The following ARHGAP15 variants were observed in gnomAD, a reference collection of about 807,000 sequenced individuals.
The protein encoded by ARHGAP15 is rho GTPase-activating protein 15.
Under a neutral mutation model 63.7 loss-of-function variants are expected in ARHGAP15, and 51 were observed. The observed-to-expected ratio is 0.80, with a 90% CI of 0.64 to 1.01. ARHGAP15 has a LOEUF of 1.01. Ranked by LOEUF, ARHGAP15 falls within the 50% of genes least tolerant of loss-of-function variation. The probability of loss-of-function intolerance (pLI) is 0.00; values close to 1 mark genes in which losing one functional copy is unlikely to be tolerated. For missense variants in ARHGAP15, 560 were observed against 564.6 expected (o/e 0.99, Z 0.08); for synonymous variants, 191 against 193.8 (o/e 0.99, Z 0.12).
chr2:143,284,314 T>C (rs1168637413), intron 6 of ARHGAP15, among the ~76,000 whole-genome samples: 6 of 152,210 alleles, frequency 3.9e-5, no homozygotes. Context: ...GCAGGCCTAC[T>C]TTTGCCAGAT....
At chr2:143,168,711 T>C (rs914311395) in intron 2 of ARHGAP15, among the ~76,000 whole-genome samples, 1 of 151,992 alleles carries the variant, frequency 6.6e-6, no homozygotes, top group Non-Finnish European at 1.5e-5. Context: ...AATCTTATCA[T>C]AAAGAATCAC....
intron 11 of ARHGAP15, among the ~76,000 whole-genome samples, chr2:143,572,693 T>TC (rs1290196625): frequency 1.3e-4 from 20 of 152,194 alleles, no homozygotes; most frequent in African/African-American, 4.8e-4. Flanking sequence ...TTTTTCTGAC[T>TC]CATGAAACTC....
rs1366753728 is a variant in ARHGAP15 at position 143,662,576 on chromosome 2, A to T, written c.1138+38309A>T. Among the ~76,000 whole-genome samples, 2 of 128,590 alleles carry T rather than the reference A, an allele frequency of 1.6e-5. 1 individual carries two copies. Among genetic ancestry groups the T allele is most frequent in the Non-Finnish European group, 3.5e-5 (2 of 56,800 alleles). 84.4% of individuals were successfully genotyped at this position (128,590 alleles called of 152,430 possible). On this transcript the variant is annotated intron_variant, in intron 12 of 13. Transcript: ENST00000295095. ...CAAAGCTGGATGGAGAATGACTTTG[A>T]CGAGCCGAGAGAAGAAGGCTTCAGA...
chr2:143,402,070 A>G (rs1384404056), intron 6 of ARHGAP15, among the ~76,000 whole-genome samples: 1 of 151,962 alleles, frequency 6.6e-6, no homozygotes, highest in Non-Finnish European at 1.5e-5. Context: ...GGACTAAAGC[A>G]AGCCAAAAAC....
intron 10 of ARHGAP15, among the ~76,000 whole-genome samples, chr2:143,526,598 G>T (rs1425528183): frequency 6.6e-6 from 1 of 152,090 alleles, no homozygotes; most frequent in Non-Finnish European, 1.5e-5. Context: ...CTAGGACTGG[G>T]AGTTTTCCCA....
intron 12 of ARHGAP15, among the ~76,000 whole-genome samples, chr2:143,633,633 C>T (rs895145840): frequency 1.3e-5 from 2 of 152,134 alleles, no homozygotes; most frequent in Non-Finnish European, 2.9e-5. Context: ...CATGAGTCAG[C>T]TTCCCTAGCA....
chr2:143,339,618 C>T (rs1250989917), intron 6 of ARHGAP15, among the ~76,000 whole-genome samples: 1 of 152,092 alleles, frequency 6.6e-6, no homozygotes, highest in Non-Finnish European at 1.5e-5. Flanking sequence ...TCAGTTCCTA[C>T]CTATTTCTCC....
intron 6 of ARHGAP15, among the ~76,000 whole-genome samples, chr2:143,393,570 A>G (rs1687626969): frequency 6.6e-6 from 1 of 152,000 alleles, no homozygotes. Flanking sequence ...CATCTCTACT[A>G]AAAACACAAA....
At chr2:143,267,133 A>G (rs1384080446) in intron 6 of ARHGAP15, among the ~76,000 whole-genome samples, 1 of 152,122 alleles carries the variant, frequency 6.6e-6, no homozygotes, top group Non-Finnish European at 1.5e-5. Context: ...CGACAGGAAG[A>G]AACACTAGTT....
At chr2:143,224,415 AC>A (rs1399820712) in intron 4 of ARHGAP15, among the ~76,000 whole-genome samples, 1 of 152,024 alleles carries the variant, frequency 6.6e-6, no homozygotes, top group Non-Finnish European at 1.5e-5. Context: ...TTTAATAATC[AC>A]CTACTAAATG....
intron 8 of ARHGAP15, among the ~76,000 whole-genome samples, chr2:143,464,294 A>G (rs1464294251): frequency 6.6e-6 from 1 of 152,148 alleles, no homozygotes; most frequent in African/African-American, 2.4e-5. Flanking sequence ...TCTTTATTCC[A>G]TTTTATTTAT....
intron 11 of ARHGAP15, among the ~76,000 whole-genome samples, chr2:143,603,053 T>C (rs576225481): frequency 6.6e-6 from 1 of 152,296 alleles, no homozygotes; most frequent in East Asian, 1.9e-4. Flanking sequence ...GTATGTATAG[T>C]TTACCTTGAA....
chr2:143,339,770 C>T (rs1237531175), intron 6 of ARHGAP15, among the ~76,000 whole-genome samples: 2 of 152,118 alleles, frequency 1.3e-5, no homozygotes, highest in Non-Finnish European at 2.9e-5. Context: ...TATGTGTGTT[C>T]ACATAAAATA....
At chr2:143,327,793 A>G (rs1684323442) in intron 6 of ARHGAP15, among the ~76,000 whole-genome samples, 1 of 152,198 alleles carries the variant, frequency 6.6e-6, no homozygotes, top group Non-Finnish European at 1.5e-5. Context: ...GGCAAAAGAA[A>G]CTATCGTCAG....
intron 8 of ARHGAP15, among the ~76,000 whole-genome samples, chr2:143,446,717 C>T (rs375609579): frequency 1.6e-4 from 24 of 151,464 alleles, no homozygotes; most frequent in South Asian, 1.5e-3. Flanking sequence ...CATGCTGGTG[C>T]GCTGCACCCC....
At position 143,180,295 on chromosome 2, in the gene ARHGAP15, A is replaced by G. The variant is rs115883549; in HGVS notation, c.166-21839A>G. On this transcript the variant is annotated intron_variant, in intron 2 of 13. Transcript: ENST00000295095. Reference sequence around the variant, plus strand: ...ACATTCACGGCCTCTTCACTGGGGTACATTCCATCTCAAGTACATTCTTTG... The same window carrying G: ...ACATTCACGGCCTCTTCACTGGGGTGCATTCCATCTCAAGTACATTCTTTG... Among the ~76,000 whole-genome samples, 386 of 152,380 alleles carry G rather than the reference A, an allele frequency of 2.5e-3. 2 individuals are homozygous for G. Among genetic ancestry groups the G allele is most frequent in the African/African-American group, 8.2e-3 (340 of 41,594 alleles).
chr2:143,290,942 C>T (rs559691669), intron 6 of ARHGAP15, among the ~76,000 whole-genome samples: 1 of 152,104 alleles, frequency 6.6e-6, no homozygotes, highest in South Asian at 2.1e-4. Context: ...AGAGATTTGT[C>T]AGAAAGGACT....
intron 4 of ARHGAP15, among the ~76,000 whole-genome samples, chr2:143,218,761 C>T (rs1220914390): frequency 6.6e-6 from 1 of 152,028 alleles, no homozygotes; most frequent in Non-Finnish European, 1.5e-5. Context: ...CTTACACAAG[C>T]CTAGATGGTA....
intron 13 of ARHGAP15, among the ~76,000 whole-genome samples, chr2:143,743,644 G>A (rs1349737802): frequency 6.6e-6 from 1 of 152,078 alleles, no homozygotes; most frequent in Non-Finnish European, 1.5e-5. Context: ...CTTGCTCCTC[G>A]TGTGCCAATG....
Sources: gnomAD v4.1 joint callset for allele counts (sites outside exome capture counted in the v4.1 genomes callset) on GRCh38, gnomAD v4.1.1 for gene constraint, MANE v1.5 for transcripts, NCBI Gene and HGNC (gene_info 2026-07-23, HGNC 2026-07-21) for gene names.